The following IQCH variants were observed in gnomAD, a reference collection of about 807,000 sequenced individuals.
The protein encoded by IQCH is IQ domain-containing protein H.
IQCH carries 98 observed loss-of-function variants against 117.0 expected under a neutral mutation model. That is an observed-to-expected ratio of 0.84 (90% CI 0.71 to 0.99). IQCH has a LOEUF of 0.99. IQCH is among the 50% of genes least tolerant of loss of function. The probability of loss-of-function intolerance (pLI) is 0.00; values close to 1 mark genes in which losing one functional copy is unlikely to be tolerated. For missense variants in IQCH, 1,102 were observed against 1,243.8 expected, an observed-to-expected ratio of 0.89 and a Z score of 1.72; for synonymous variants, 412 against 448.2, an observed-to-expected ratio of 0.92 and a Z score of 1.02.
In IQCH at chr15:67,432,041, A is replaced by AAAAT. The variant is rs1171664896; in HGVS notation, c.2505+10477_2505+10480dup. On this transcript the variant is annotated intron_variant, in intron 16 of 20. Coordinates refer to ENST00000335894, the MANE Select transcript of IQCH (RefSeq NM_001031715.3). The surrounding 1 kb of genome is among the most constrained non-coding windows in gnomAD (Gnocchi z 5.0). Reference sequence around the variant, plus strand: ...GATGACAGAGCAAGACCCTGTCTCAAAAATAAATAAATAAATTAACTCTTA... The same window carrying AAAAT: ...GATGACAGAGCAAGACCCTGTCTCAAAAATAAATAAATAAATAAATTAACTCTTA... Among the ~76,000 whole-genome samples, 1 of 152,194 alleles carries AAAAT rather than the reference A, an allele frequency of 6.6e-6. No individual in the cohort carries two copies. The highest frequency in any genetic ancestry group is 2.4e-5 in the African/African-American group (1 of 41,446).
At position 67,375,680 on chromosome 15, in the gene IQCH, C is replaced by T. The variant is rs143873108; in HGVS notation, c.1372+2247C>T. On this transcript the variant is annotated intron_variant, in intron 10 of 20. Coordinates refer to ENST00000335894, the MANE Select transcript of IQCH (RefSeq NM_001031715.3). Reference sequence around the variant, plus strand: ...AAGAGATAAGAACAAGCTCAGATTTCTTCTCAATTGAGCATTTTAAAAGAT... The same window carrying T: ...AAGAGATAAGAACAAGCTCAGATTTTTTCTCAATTGAGCATTTTAAAAGAT... 6.3e-4 allele frequency among the ~76,000 whole-genome samples: 95 copies of T among 151,866 alleles called. 1 individual carries two copies. The highest frequency in any genetic ancestry group is 4.3e-3 in the Admixed American group (65 of 15,244).
intron 3 of IQCH, among the ~76,000 whole-genome samples, chr15:67,269,636 C>T (rs1329791878): frequency 6.6e-6 from 1 of 151,928 alleles, no homozygotes; most frequent in East Asian, 1.9e-4. Context: ...TTCAACCACC[C>T]CTCATCCCTC....
chr15:67,268,148 T>A (rs781165155), intron 3 of IQCH, among the ~76,000 whole-genome samples: 13 of 152,156 alleles, frequency 8.5e-5, no homozygotes, highest in Non-Finnish European at 1.6e-4. Flanking sequence ...AAAGCCTAAT[T>A]GTCACAAAAG....
In IQCH at chr15:67,472,361, C is replaced by A. The variant is rs375794804; in HGVS notation, c.2677-3335C>A. ...CAAGTTTGGGGAGGTCTACCCACCACACCAGGGTCTAGATTTCACCGTGAA... is the reference window on the plus strand; with the variant it reads ...CAAGTTTGGGGAGGTCTACCCACCAAACCAGGGTCTAGATTTCACCGTGAA... On this transcript the variant is annotated intron_variant, in intron 17 of 20. Transcript: ENST00000335894. This position sits in a 1 kb window ranked among gnomAD's most constrained non-coding sequence, Gnocchi z 4.3. 2.0e-5 allele frequency among the ~76,000 whole-genome samples: 3 copies of A among 152,160 alleles called. No individual in the cohort carries two copies. The East Asian group carries it at 5.8e-4, about 29-fold the overall frequency.
In IQCH at chr15:67,481,746, C is replaced by T. The variant is rs562248859; in HGVS notation, c.2799+5928C>T. 6.6e-6 allele frequency among the ~76,000 whole-genome samples: 1 copy of T among 152,182 alleles called. No individual in the cohort carries two copies. Among genetic ancestry groups the T allele is most frequent in the South Asian group, 2.1e-4 (1 of 4,822 alleles). On this transcript the variant is annotated intron_variant, in intron 18 of 20. Transcript: ENST00000335894. The surrounding 1 kb of genome is among the most constrained non-coding windows in gnomAD (Gnocchi z 4.1). ...AATTTAAGAAGTATCTAGAAAAGAA[C>T]TCCATGTTGTAGCTATTGCTACTTG...
In IQCH at chr15:67,387,591, G is replaced by C. The variant is rs1386527326; in HGVS notation, c.1457-1240G>C. 6.6e-6 allele frequency among the ~76,000 whole-genome samples: 1 copy of C among 152,128 alleles called. No homozygotes were observed. Among genetic ancestry groups the C allele is most frequent in the African/African-American group, 2.4e-5 (1 of 41,422 alleles). Reference sequence around the variant, plus strand: ...TGCACTGATCAAAAGGAATGTAGGTGTGGGGGCAGCTGGGGAATCACTGTT... The same window carrying C: ...TGCACTGATCAAAAGGAATGTAGGTCTGGGGGCAGCTGGGGAATCACTGTT... On this transcript the variant is annotated intron_variant, in intron 11 of 20. Coordinates refer to ENST00000335894, the MANE Select transcript of IQCH (RefSeq NM_001031715.3). This position sits in a 1 kb window ranked among gnomAD's most constrained non-coding sequence, Gnocchi z 4.8.
chr15:67,294,588 C>G (rs773980570), intron 4 of IQCH, among the ~76,000 whole-genome samples: 25 of 152,280 alleles, frequency 1.6e-4, no homozygotes, highest in Non-Finnish European at 1.9e-4. Flanking sequence ...CCCTTAAACA[C>G]AGATATGACA....
chr15:67,444,382 G>A (rs1480234500), intron 16 of IQCH, among the ~76,000 whole-genome samples: 2 of 152,162 alleles, frequency 1.3e-5, no homozygotes, highest in East Asian at 1.9e-4. Context: ...GGATTCACGG[G>A]ATGGAAACAT....
rs1382045738 is a variant in IQCH, at chr15:67,430,326, GC to G, written c.2505+8750del. 6.6e-6 allele frequency: 1 copy of G among 152,112 alleles called. No homozygotes were observed. Among genetic ancestry groups the G allele is most frequent in the East Asian group, 1.9e-4 (1 of 5,196 alleles). 9.4% of individuals were successfully genotyped at this position (152,112 alleles called of 1,614,324 possible). On this transcript the variant is annotated intron_variant, in intron 16 of 20. Coordinates refer to ENST00000335894, the MANE Select transcript of IQCH (RefSeq NM_001031715.3). The surrounding 1 kb of genome is among the most constrained non-coding windows in gnomAD (Gnocchi z 5.1). Reference sequence around the variant, plus strand: ...GAGGGATATGAAGTACTTACTAAAGGCTTTAAGTTGAGGAGGATGACAAGTT... The same window carrying G: ...GAGGGATATGAAGTACTTACTAAAGGTTTAAGTTGAGGAGGATGACAAGTT...
intron 16 of IQCH, among the ~76,000 whole-genome samples, chr15:67,455,959 C>T (rs1436200534): frequency 1.3e-5 from 2 of 152,088 alleles, no homozygotes; most frequent in African/African-American, 4.8e-5. Context: ...AAAAAAGTAG[C>T]ATTCCAAAAA....
At position 67,425,390 on chromosome 15, in the gene IQCH, G is replaced by A. The variant is rs1366097115; in HGVS notation, c.2505+3813G>A. 6.6e-6 allele frequency among the ~76,000 whole-genome samples: 1 copy of A among 152,144 alleles called. No homozygotes were observed. The highest frequency in any genetic ancestry group is 1.5e-5 in the Non-Finnish European group (1 of 68,034). On this transcript the variant is annotated intron_variant, in intron 16 of 20. Transcript: ENST00000335894. This position sits in a 1 kb window ranked among gnomAD's most constrained non-coding sequence, Gnocchi z 5.5. ...GCACTTTGGGTGGCCGAGGTGGGTG[G>A]ATCACGAGGTCAGGAGTTCAAGACC... is the stretch of plus-strand genomic sequence containing the variant.
intron 8 of IQCH, chr15:67,371,580 A>G: frequency 8.7e-7 from 1 of 1,148,576 alleles, no homozygotes; most frequent in Non-Finnish European, 1.3e-6. Flanking sequence ...ACCTCTGGAT[A>G]TTAAGAGAAG....
At chr15:67,339,297 A>G (rs1271444321) in intron 5 of IQCH, among the ~76,000 whole-genome samples, 1 of 152,212 alleles carries the variant, frequency 6.6e-6, no homozygotes, top group Non-Finnish European at 1.5e-5. Flanking sequence ...GATAACTTTC[A>G]AAAACAGCTA....
intron 3 of IQCH, among the ~76,000 whole-genome samples, chr15:67,274,609 G>A (rs1369722631): frequency 6.6e-6 from 1 of 151,952 alleles, no homozygotes; most frequent in East Asian, 1.9e-4. Context: ...TTGCTATTTT[G>A]TTCTTGGTCA....
At chr15:67,451,092 C>A (rs1472250033) in intron 16 of IQCH, among the ~76,000 whole-genome samples, 2 of 151,940 alleles carry the variant, frequency 1.3e-5, no homozygotes, top group Non-Finnish European at 2.9e-5. Context: ...TTTTTTATTG[C>A]GTCCATTTGA....
chr15:67,359,892 A>C lies in IQCH; in HGVS notation c.753+7A>C. Reference sequence around the variant, plus strand: ...AGGACATCATGATAGGAAGGTCTGTAATTTGTGTGACTAGTTGAAATTTAG... The same window carrying C: ...AGGACATCATGATAGGAAGGTCTGTCATTTGTGTGACTAGTTGAAATTTAG... On this transcript the variant is annotated splice_region_variant and intron_variant, in intron 8 of 20. Coordinates refer to ENST00000335894, the MANE Select transcript of IQCH (RefSeq NM_001031715.3). This position sits in a 1 kb window ranked among gnomAD's most constrained non-coding sequence, Gnocchi z 4.5. The C allele has an allele frequency of 6.2e-7, 1 of 1,607,574 alleles. No individual in the cohort carries two copies. Among genetic ancestry groups the C allele is most frequent in the Admixed American group, 1.7e-5 (1 of 59,866 alleles).
At chr15:67,265,264 C>A (rs898510536) in intron 3 of IQCH, among the ~76,000 whole-genome samples, 1 of 152,246 alleles carries the variant, frequency 6.6e-6, no homozygotes, top group African/African-American at 2.4e-5. Flanking sequence ...TCTTTTCTTA[C>A]ACAGTTCTCT....
intron 4 of IQCH, among the ~76,000 whole-genome samples, chr15:67,327,156 GTATATTAGAAGTGGT>G (rs367666128): frequency 1.4e-4 from 22 of 152,254 alleles, no homozygotes; most frequent in African/African-American, 4.8e-4. Context: ...TTAGCAGAGA[GTATATTAGAAGTGGT>G]TATATTAGAA....
At chr15:67,337,190 C>A (rs1968933541) in intron 5 of IQCH, 95 bp downstream of exon 5, 1 of 1,392,482 alleles carries the variant, frequency 7.2e-7, no homozygotes, top group Non-Finnish European at 9.9e-7. Context: ...CTGGCTCAGC[C>A]ACTAATTCTC....
Sources: allele counts gnomAD v4.1 joint callset (sites outside exome capture counted in the v4.1 genomes callset), GRCh38; gene constraint gnomAD v4.1.1; non-coding constraint Gnocchi (gnomAD v3.1); transcripts MANE v1.5; gene names NCBI Gene and HGNC (gene_info 2026-07-23, HGNC 2026-07-21).